The following SCG5 variants were observed in gnomAD, a reference collection of about 807,000 sequenced individuals.
SCG5 encodes secretogranin V.
Under a neutral mutation model 25.7 loss-of-function variants are expected in SCG5, and 18 were observed. That is an observed-to-expected ratio of 0.70 (90% CI 0.48 to 1.04). The LOEUF (loss-of-function observed/expected upper bound fraction) is 1.04, where lower values mean the gene tolerates loss of function less well. Among genes scored for constraint, SCG5 ranks in the 50% least tolerant of loss-of-function variants. The probability of loss-of-function intolerance (pLI) is 0.00; values close to 1 mark genes in which losing one functional copy is unlikely to be tolerated. For missense variants in SCG5, 206 were observed against 259.8 expected (o/e 0.79, Z 1.42); for synonymous variants, 101 against 91.7 (o/e 1.10, Z -0.58).
intron 4 of SCG5, among the ~76,000 whole-genome samples, chr15:32,685,665 T>C (rs1249322834): frequency 6.6e-6 from 1 of 152,208 alleles, no homozygotes; most frequent in Non-Finnish European, 1.5e-5. Context: ...CCCAGCAGAC[T>C]AGAACAATGA....
At chr15:32,650,003 G>A (rs1179672246) in intron 2 of SCG5, among the ~76,000 whole-genome samples, 1 of 152,148 alleles carries the variant, frequency 6.6e-6, no homozygotes, top group African/African-American at 2.4e-5. Flanking sequence ...CAATCAGTGG[G>A]TGCCATTAGT....
At chr15:32,645,229 G>T (rs2053923535) in intron 2 of SCG5, among the ~76,000 whole-genome samples, 1 of 152,216 alleles carries the variant, frequency 6.6e-6, no homozygotes, top group Admixed American at 6.5e-5. Flanking sequence ...GGCAGGAAGT[G>T]CTTGGTTATT....
chr15:32,654,232 G>A (rs1440262129), intron 2 of SCG5, among the ~76,000 whole-genome samples: 2 of 152,156 alleles, frequency 1.3e-5, no homozygotes, highest in African/African-American at 4.8e-5. Context: ...TCACAGTTCT[G>A]GAGGCTGGGA....
chr15:32,687,836 C>A (rs138185425), intron 4 of SCG5, among the ~76,000 whole-genome samples: 1 of 152,082 alleles, frequency 6.6e-6, no homozygotes, highest in Admixed American at 6.5e-5. Context: ...ATATGCCTTC[C>A]GGGCCCCGTG....
At position 32,687,759 on chromosome 15, in the gene SCG5, T is replaced by G. The variant is rs544152224; in HGVS notation, c.489+3090T>G. On this transcript the variant is annotated intron_variant, in intron 4 of 5. Transcript: ENST00000300175. Reference sequence around the variant, plus strand: ...GTGATTCACATATTACACATTTCAGTGTCTGTCTTGTTTCCTGCATTTCTC... The same window carrying G: ...GTGATTCACATATTACACATTTCAGGGTCTGTCTTGTTTCCTGCATTTCTC... Among the ~76,000 whole-genome samples the G allele has an allele frequency of 2.0e-3, 304 of 152,350 alleles. 1 individual carries two copies. Among genetic ancestry groups the G allele is most frequent in the African/African-American group, 7.2e-3 (298 of 41,584 alleles).
chr15:32,645,627 C>T (rs1015784015), intron 2 of SCG5, among the ~76,000 whole-genome samples: 4 of 152,044 alleles, frequency 2.6e-5, no homozygotes, highest in Admixed American at 2.6e-4. Flanking sequence ...AACATTTGAC[C>T]TGGGTTTTGA....
At chr15:32,651,125 A>G (rs764084577) in intron 2 of SCG5, among the ~76,000 whole-genome samples, 27 of 152,096 alleles carry the variant, frequency 1.8e-4, no homozygotes, top group Non-Finnish European at 3.5e-4. Flanking sequence ...CTTGAACCCT[A>G]AAGGCAGAGA....
chr15:32,691,986 G>C, intron 5 of SCG5: 1 of 1,412,718 alleles, frequency 7.1e-7, no homozygotes. Flanking sequence ...GGAACGCGCA[G>C]TCTGTAGCAA....
At position 32,643,556 on chromosome 15, in the gene SCG5, A is replaced by G. The variant is rs554784380; in HGVS notation, c.-7-30A>G. On this transcript the variant is annotated intron_variant, in intron 1 of 5. Transcript: ENST00000300175. ...TTATCACAATTGCCGATTGTAGCCTATCAGTATACATTTGGTCTTTTATCT... is the reference window on the plus strand; with the variant it reads ...TTATCACAATTGCCGATTGTAGCCTGTCAGTATACATTTGGTCTTTTATCT... 2.7e-5 allele frequency: 40 copies of G among 1,489,114 alleles called. 3 individuals are homozygous for G. In the African/African-American group the frequency reaches 3.0e-4, roughly 11 times the overall value. 92.2% of individuals were successfully genotyped at this position (1,489,114 alleles called of 1,614,324 possible).
chr15:32,684,514 T>C (rs2054669970), intron 3 of SCG5, 43 bp from the exon 4 acceptor site: 1 of 1,204,048 alleles, frequency 8.3e-7, no homozygotes. Context: ...AGAATAATGA[T>C]GAATGTCTTG....
At chr15:32,663,423 G>A (rs2054270887) in intron 2 of SCG5, among the ~76,000 whole-genome samples, 2 of 152,058 alleles carry the variant, frequency 1.3e-5, no homozygotes, top group African/African-American at 2.4e-5. Context: ...CAGAATAGGT[G>A]GTCTTTTGTG....
chr15:32,666,664 T>C (rs2054322731), intron 2 of SCG5, among the ~76,000 whole-genome samples: 1 of 152,262 alleles, frequency 6.6e-6, no homozygotes. Context: ...TCATGCATTA[T>C]AAAGTGACCA....
At chr15:32,643,540 T>C in intron 1 of SCG5, 46 bp from the exon 2 acceptor site, 1 of 1,421,034 alleles carries the variant, frequency 7.0e-7, no homozygotes, top group African/African-American at 1.4e-5. Context: ...ATTATCACAA[T>C]TGCCGATTGT....
At chr15:32,650,257 C>T (rs1006762062) in intron 2 of SCG5, among the ~76,000 whole-genome samples, 6 of 152,152 alleles carry the variant, frequency 3.9e-5, no homozygotes, top group African/African-American at 1.4e-4. Flanking sequence ...GCCACCACAC[C>T]TGGCTAATTT....
At chr15:32,683,074 T>G (rs1246244964) in intron 3 of SCG5, among the ~76,000 whole-genome samples, 1 of 152,218 alleles carries the variant, frequency 6.6e-6, no homozygotes. Flanking sequence ...ACATGTTAAT[T>G]GCTATATATT....
chr15:32,654,845 T>C (rs2054089097), intron 2 of SCG5, among the ~76,000 whole-genome samples: 1 of 152,214 alleles, frequency 6.6e-6, no homozygotes, highest in East Asian at 1.9e-4. Context: ...AAATAGCCAT[T>C]GACCTCTGAG....
intron 3 of SCG5, 29 bp from the exon 4 acceptor site, chr15:32,684,528 G>T (rs780445112): frequency 1.4e-6 from 2 of 1,386,364 alleles, no homozygotes; most frequent in African/African-American, 1.4e-5. Flanking sequence ...TGTCTTGGCC[G>T]TTCCTCAAAA....
intron 2 of SCG5, among the ~76,000 whole-genome samples, chr15:32,675,422 G>A (rs1368945275): frequency 1.3e-5 from 2 of 152,150 alleles, no homozygotes; most frequent in Admixed American, 1.3e-4. Flanking sequence ...CACTCTTAGA[G>A]AAGAACTTCT....
rs1372770321 is a variant in SCG5, at chr15:32,691,770, C to G, written c.543+7C>G. 6.2e-7 allele frequency: 1 copy of G among 1,612,206 alleles called. No individual in the cohort carries two copies. Among genetic ancestry groups the G allele is most frequent in the Non-Finnish European group, 8.5e-7 (1 of 1,179,198 alleles). On this transcript the variant is annotated splice_region_variant and intron_variant, in intron 5 of 5. Coordinates refer to ENST00000300175, the MANE Select transcript of SCG5 (RefSeq NM_001144757.3). ...AGAGAGACGAAAGCGGAGGGTAACA[C>G]GTGCCTGGCTGGATTGTTGCGGGGA...
Sources: allele counts gnomAD v4.1 joint callset (sites outside exome capture counted in the v4.1 genomes callset), GRCh38; gene constraint gnomAD v4.1.1; transcripts MANE v1.5; gene names NCBI Gene and HGNC (gene_info 2026-07-23, HGNC 2026-07-21).